RNLS: variants seen among roughly 807,000 people sequenced by gnomAD.
RNLS encodes renalase, FAD dependent amine oxidase.
Under a neutral mutation model 39.8 loss-of-function variants are expected in RNLS, and 39 were observed. That is an observed-to-expected ratio of 0.98 (90% CI 0.76 to 1.28). RNLS has a LOEUF of 1.28. Ranked by LOEUF, RNLS falls within the 50% of genes most tolerant of loss-of-function variation. The pLI is 0.00. For missense variants in RNLS, 410 were observed against 413.3 expected, an observed-to-expected ratio of 0.99 and a Z score of 0.07; for synonymous variants, 147 against 150.7, an observed-to-expected ratio of 0.98 and a Z score of 0.18.
intron 5 of RNLS, among the ~76,000 whole-genome samples, chr10:88,359,302 C>T (rs531505015): frequency 1.7e-4 from 20 of 120,492 alleles, no homozygotes; most frequent in Admixed American, 5.4e-4. Context: ...GGCCACAGAG[C>T]GAAACTACAT....
chr10:88,382,452 T>C (rs1230536959), intron 4 of RNLS, among the ~76,000 whole-genome samples: 5 of 152,138 alleles, frequency 3.3e-5, no homozygotes, highest in African/African-American at 4.8e-5. Flanking sequence ...TAGAATTTTT[T>C]CACAAAAATA....
At chr10:88,338,887 G>C (rs1397843889) in intron 5 of RNLS, among the ~76,000 whole-genome samples, 1 of 150,748 alleles carries the variant, frequency 6.6e-6, no homozygotes, top group Admixed American at 6.7e-5. Flanking sequence ...TCAGCCTCCT[G>C]AGTAGCTGGG....
chr10:88,362,031 C>T (rs1217593142), intron 5 of RNLS, among the ~76,000 whole-genome samples: 1 of 151,770 alleles, frequency 6.6e-6, no homozygotes, highest in African/African-American at 2.4e-5. Context: ...AACATTTTAC[C>T]CGTTACATTG....
chr10:88,297,806 A>T (rs1206988342), intron 6 of RNLS, among the ~76,000 whole-genome samples: 2 of 152,162 alleles, frequency 1.3e-5, no homozygotes, highest in Non-Finnish European at 2.9e-5. Flanking sequence ...TTGTGTATGC[A>T]GTTTTGTTTG....
At chr10:88,499,422 C>T (rs536761754) in intron 4 of RNLS, among the ~76,000 whole-genome samples, 1 of 152,222 alleles carries the variant, frequency 6.6e-6, no homozygotes, top group Non-Finnish European at 1.5e-5. Flanking sequence ...CCCCCAGCTC[C>T]CTCCAAACAA....
the RNLS span, among the ~76,000 whole-genome samples, chr10:88,215,267 T>A: frequency 6.6e-6 from 1 of 152,124 alleles, no homozygotes; most frequent in African/African-American, 2.4e-5. Context: ...GCACTTAGAT[T>A]TAAAATTTCA....
At chr10:88,563,588 T>C (rs1341349300) in intron 4 of RNLS, among the ~76,000 whole-genome samples, 1 of 152,136 alleles carries the variant, frequency 6.6e-6, no homozygotes, top group East Asian at 1.9e-4. Flanking sequence ...GATGATTAGA[T>C]AGCTGAAGCC....
At chr10:88,511,350 C>T (rs1182862420) in intron 4 of RNLS, among the ~76,000 whole-genome samples, 1 of 152,090 alleles carries the variant, frequency 6.6e-6, no homozygotes, top group African/African-American at 2.4e-5. Flanking sequence ...GCCTGAGCAA[C>T]TGGAGTCAGA....
At chr10:88,337,285 C>A (rs918116152) in intron 5 of RNLS, among the ~76,000 whole-genome samples, 3 of 152,084 alleles carry the variant, frequency 2.0e-5, no homozygotes, top group Admixed American at 6.5e-5. Flanking sequence ...GTTAGGAGGA[C>A]CAGATGAGAG....
At chr10:88,210,527 C>T in the RNLS span, among the ~76,000 whole-genome samples, 1 of 152,170 alleles carries the variant, frequency 6.6e-6, no homozygotes, top group African/African-American at 2.4e-5. Context: ...TTGACCTTTC[C>T]AGTATTTGCA....
intron 4 of RNLS, among the ~76,000 whole-genome samples, chr10:88,506,291 G>T (rs1320516615): frequency 1.3e-5 from 2 of 152,028 alleles, no homozygotes; most frequent in Non-Finnish European, 2.9e-5. Context: ...ATTGGATCCT[G>T]AATTAAAAAG....
the RNLS span, among the ~76,000 whole-genome samples, chr10:88,172,896 G>A: frequency 1.5e-4 from 17 of 112,468 alleles, no homozygotes; most frequent in East Asian, 4.3e-3. Flanking sequence ...TCGCTCTGTC[G>A]CCCAGGCTGG....
chr10:88,186,332 G>A, the RNLS span, among the ~76,000 whole-genome samples: 1 of 152,158 alleles, frequency 6.6e-6, no homozygotes, highest in Non-Finnish European at 1.5e-5. Context: ...AAGCCCTCAG[G>A]ATGGAGTTAA....
intron 4 of RNLS, among the ~76,000 whole-genome samples, chr10:88,401,338 T>C (rs1458281214): frequency 6.6e-6 from 1 of 152,062 alleles, no homozygotes; most frequent in African/African-American, 2.4e-5. Context: ...AACATATATG[T>C]TGAAATTCGG....
chr10:88,257,959 A>C, the RNLS span, among the ~76,000 whole-genome samples: 24 of 152,158 alleles, frequency 1.6e-4, no homozygotes, highest in Non-Finnish European at 7.4e-5. Context: ...TTAAAAAAAA[A>C]TCCATTGAAA....
chr10:88,295,694 T>C (rs1844040557), intron 6 of RNLS, among the ~76,000 whole-genome samples: 1 of 152,196 alleles, frequency 6.6e-6, no homozygotes, highest in African/African-American at 2.4e-5. Flanking sequence ...CATTTGTCTA[T>C]TCTATTTTAA....
chr10:88,566,061 T>C (rs577241411), intron 4 of RNLS, among the ~76,000 whole-genome samples: 1 of 152,024 alleles, frequency 6.6e-6, no homozygotes, highest in Non-Finnish European at 1.5e-5. Context: ...TCATTTTTTA[T>C]AATAAGAGTA....
intron 4 of RNLS, among the ~76,000 whole-genome samples, chr10:88,394,628 C>A (rs1212093462): frequency 6.6e-6 from 1 of 152,080 alleles, no homozygotes; most frequent in African/African-American, 2.4e-5. Flanking sequence ...TTGTGGAAGT[C>A]AGTGTGGCGA....
At chr10:88,433,562 ATAAT>A (rs1322432285) in intron 4 of RNLS, among the ~76,000 whole-genome samples, 3 of 152,132 alleles carry the variant, frequency 2.0e-5, no homozygotes, top group Non-Finnish European at 4.4e-5. Flanking sequence ...AAAATTATCT[ATAAT>A]TAGGCAGTTT....
Sources: gnomAD v4.1 joint callset for allele counts (sites outside exome capture counted in the v4.1 genomes callset) on GRCh38, gnomAD v4.1.1 for gene constraint, MANE v1.5 for transcripts, NCBI Gene and HGNC (gene_info 2026-07-23, HGNC 2026-07-21) for gene names.